USP53: variants seen among roughly 807,000 people sequenced by gnomAD.
USP53 encodes the protein ubiquitin specific peptidase 53, also known as ubiquitin carboxyl-terminal hydrolase 53.
Under a neutral mutation model 94.9 loss-of-function variants are expected in USP53, and 71 were observed. The observed-to-expected ratio is 0.75, with a 90% CI of 0.62 to 0.91. USP53 has a LOEUF of 0.91. Ranked by LOEUF, USP53 falls within the 40% of genes least tolerant of loss-of-function variation. The pLI is 0.00. For missense variants in USP53, 1,173 were observed against 1,281.0 expected, an observed-to-expected ratio of 0.92 and a Z score of 1.29; for synonymous variants, 375 against 422.7, an observed-to-expected ratio of 0.89 and a Z score of 1.39.
rs780081575 is a variant in USP53 at position 119,292,539 on chromosome 4, T to C, written c.2550T>C (p.Ser850=). 1 of 1,614,066 alleles carries C rather than the reference T, an allele frequency of 6.2e-7. No homozygotes were observed. ...CTTTTCACGTTGATAACTCTGCTTC[T>C]GGGAAGAGAGTGAACAGTAATGAAC... ...GLPFHVDNSA[S]GKRVNSNEPS... is the part of the protein sequence containing the mutation. The change falls in exon 19 of 19, where the codon TCT becomes TCC. Residue 850 remains serine (S), a synonymous_variant. Coordinates refer to ENST00000692078, the MANE Select transcript of USP53 (RefSeq NM_001371395.1).
intron 3 of USP53, among the ~76,000 whole-genome samples, chr4:119,228,152 C>A (rs891170959): frequency 6.6e-6 from 1 of 152,184 alleles, no homozygotes; most frequent in African/African-American, 2.4e-5. Context: ...CTGGATCTTA[C>A]AAGAGTGGTC....
rs569538253 is a variant in USP53 at position 119,235,380 on chromosome 4, C to T, written c.-574C>T. On this transcript the variant is annotated 5_prime_UTR_variant, in exon 4 of 19. Coordinates refer to ENST00000692078, the MANE Select transcript of USP53 (RefSeq NM_001371395.1). ...AACTTCTGGGCTCAAGTAATCCTCC[C>T]GCCTCAGCTTCCTGAGTAGCTGAGA... 2.0e-5 allele frequency: 3 copies of T among 152,334 alleles called. No homozygotes were observed. Among genetic ancestry groups the T allele is most frequent in the African/African-American group, 2.4e-5 (1 of 41,554 alleles). The allele number at this position is 152,334 out of a possible 1,614,324, so 9.4% of individuals were successfully genotyped here.
intron 3 of USP53, among the ~76,000 whole-genome samples, chr4:119,224,354 T>G (rs1462448799): frequency 6.6e-6 from 1 of 152,252 alleles, no homozygotes; most frequent in African/African-American, 2.4e-5. Flanking sequence ...AAAGCAGCCA[T>G]GTTTTATTAT....
At position 119,222,237 on chromosome 4, in the gene USP53, A is replaced by G. The variant is rs544587356; in HGVS notation, c.-665+4564A>G. On this transcript the variant is annotated intron_variant, in intron 3 of 18. Transcript: ENST00000692078. ...ACATGTGATATTGTGATATAAGCAT[A>G]CAGTGTATAATGATCAAATCAGGGT... is the stretch of plus-strand genomic sequence containing the variant. Among the ~76,000 whole-genome samples the G allele has an allele frequency of 3.3e-5, 5 of 152,312 alleles. No individual in the cohort carries two copies. The East Asian group carries it at 5.8e-4, about 18-fold the overall frequency.
intron 10 of USP53, among the ~76,000 whole-genome samples, 186 bp from the exon 11 acceptor site, chr4:119,260,321 A>G (rs1338109276): frequency 6.6e-6 from 1 of 152,072 alleles, no homozygotes; most frequent in East Asian, 1.9e-4. Context: ...ATCAAAGAAT[A>G]CTTTTATTTA....
rs1747233790 is a variant in USP53 at position 119,239,458 on chromosome 4, C to T, written c.-302C>T. On this transcript the variant is annotated 5_prime_UTR_variant, in exon 5 of 19. Coordinates refer to ENST00000692078, the MANE Select transcript of USP53 (RefSeq NM_001371395.1). ...AGTATTTTTAGCCATTAAAAAAAAT[C>T]GTTTTCATATTAACCTTATACAGCT... The T allele has an allele frequency of 5.8e-6, 2 of 346,586 alleles. No individual in the cohort carries two copies. The highest frequency in any genetic ancestry group is 4.3e-5 in the East Asian group (1 of 23,136). 21.5% of individuals were successfully genotyped at this position (346,586 alleles called of 1,614,324 possible).
chr4:119,285,473 T>C (rs1753994663), intron 17 of USP53, among the ~76,000 whole-genome samples: 2 of 151,898 alleles, frequency 1.3e-5, no homozygotes. Context: ...GATTAGTTAA[T>C]GCTGAGAGTC....
chr4:119,215,596 T>A (rs1273736965), intron 2 of USP53, among the ~76,000 whole-genome samples: 1 of 152,166 alleles, frequency 6.6e-6, no homozygotes, highest in Non-Finnish European at 1.5e-5. Context: ...TATAATTGGT[T>A]TTCTTTGTGA....
intron 3 of USP53, chr4:119,220,865 A>T (rs1277764082): frequency 6.6e-6 from 1 of 152,168 alleles, no homozygotes; most frequent in Non-Finnish European, 1.5e-5. Flanking sequence ...ATAGACAAGG[A>T]TGTGGGTGTG....
chr4:119,280,128 G>A (rs1395356552), intron 17 of USP53, among the ~76,000 whole-genome samples: 2 of 151,926 alleles, frequency 1.3e-5, no homozygotes, highest in African/African-American at 2.4e-5. Context: ...CTCCTCCCCC[G>A]TTTGCAGCCT....
At chr4:119,221,384 T>G (rs1744491715) in intron 3 of USP53, 1 of 151,308 alleles carries the variant, frequency 6.6e-6, no homozygotes, top group Non-Finnish European at 1.5e-5. Context: ...CAGTGAGTCA[T>G]GATCAGGCCA....
chr4:119,271,700 A>G lies in USP53; in HGVS notation c.1840A>G (p.Ser614Gly), dbSNP rs2149420014. Reference sequence around the variant, plus strand: ...TAGTCCAAGACATAAACCAAATATCAGTAATAAGCCTAAATCTAGCAAGGA... The same window carrying G: ...TAGTCCAAGACATAAACCAAATATCGGTAATAAGCCTAAATCTAGCAAGGA... Reference protein sequence around the residue: ...QHSPRHKPNISNKPKSSKDPS... With the variant: ...QHSPRHKPNIGNKPKSSKDPS... Residue 614 changes from serine to glycine, a missense_variant, in exon 16 of 19, where the codon AGT becomes GGT. By Grantham distance (56) the Ser-to-Gly change is moderately conservative (BLOSUM62 0). Coordinates refer to ENST00000692078, the MANE Select transcript of USP53 (RefSeq NM_001371395.1). The G allele has an allele frequency of 6.2e-7, 1 of 1,614,064 alleles. No homozygotes were observed. The highest frequency in any genetic ancestry group is 1.7e-4 in the Middle Eastern group (1 of 6,058).
At chr4:119,237,857 T>G (rs550449320) in intron 4 of USP53, among the ~76,000 whole-genome samples, 1 of 152,242 alleles carries the variant, frequency 6.6e-6, no homozygotes, top group Non-Finnish European at 1.5e-5. Context: ...TTTTATGTTA[T>G]GGAGATGGCA....
At chr4:119,224,278 G>A (rs190610599) in intron 3 of USP53, among the ~76,000 whole-genome samples, 9 of 152,290 alleles carry the variant, frequency 5.9e-5, no homozygotes, top group East Asian at 5.8e-4. Context: ...GATTACAGGC[G>A]TGAGCCACCA....
Position 119,235,414 on chromosome 4 carries a change from GTGT to G in USP53, c.-543+4_-543+6del, listed in dbSNP as rs1746597496. 1 of 152,032 alleles carries G rather than the reference GTGT, an allele frequency of 6.6e-6. No individual in the cohort carries two copies. Among genetic ancestry groups the G allele is most frequent in the South Asian group, 2.1e-4 (1 of 4,790 alleles). The allele number at this position is 152,032 out of a possible 1,614,324, so 9.4% of individuals were successfully genotyped here. On this transcript the variant is annotated splice_donor_5th_base_variant and intron_variant, in intron 4 of 18. Transcript: ENST00000692078. ...TTCCTGAGTAGCTGAGATTACAGGT[GTGT>G]ACAACTGTGCTTGGCTAATTTTTTA...
chr4:119,282,794 CTATA>C (rs1753653303), intron 17 of USP53, among the ~76,000 whole-genome samples: 1 of 151,902 alleles, frequency 6.6e-6, no homozygotes, highest in Non-Finnish European at 1.5e-5. Context: ...AATTTTGTGA[CTATA>C]TATGATTTTC....
intron 17 of USP53, among the ~76,000 whole-genome samples, chr4:119,287,347 G>A (rs1754225829): frequency 6.6e-6 from 1 of 151,962 alleles, no homozygotes; most frequent in African/African-American, 2.4e-5. Context: ...TATATGGAGC[G>A]ATGTTGGCAT....
At chr4:119,268,244 T>C in intron 13 of USP53, 24 bp from the exon 14 acceptor site, 1 of 1,577,738 alleles carries the variant, frequency 6.3e-7, no homozygotes, top group Non-Finnish European at 8.6e-7. Context: ...AAAGGAATGA[T>C]ACATTTTTGC....
At chr4:119,268,524 A>T in intron 14 of USP53, 104 bp downstream of exon 14, 2 of 1,161,174 alleles carry the variant, frequency 1.7e-6, no homozygotes, top group Non-Finnish European at 2.4e-6. Flanking sequence ...TGAAAAGATA[A>T]TAACAAATAG....
Sources: allele counts gnomAD v4.1 joint callset (sites outside exome capture counted in the v4.1 genomes callset), GRCh38; gene constraint gnomAD v4.1.1; transcripts MANE v1.5; gene names NCBI Gene and HGNC (gene_info 2026-07-23, HGNC 2026-07-21).